SLC7A14: variants seen among roughly 807,000 people sequenced by gnomAD.
SLC7A14 encodes the protein gamma-aminobutyric acid transporter SLC7A14.
A neutral mutation model predicts 60.2 loss-of-function variants in SLC7A14; 37 were observed. That is an observed-to-expected ratio of 0.61 (90% confidence interval 0.47 to 0.81). SLC7A14 has a LOEUF of 0.81. Among genes scored for constraint, SLC7A14 ranks in the 30% least tolerant of loss-of-function variants. The pLI, the probability that SLC7A14 is intolerant of heterozygous loss-of-function variation, is 0.00. For synonymous variants in SLC7A14, 399 were observed against 395.8 expected, an observed-to-expected ratio of 1.01 and a Z score of -0.10; for missense variants, 886 against 982.7, an observed-to-expected ratio of 0.90 and a Z score of 1.32.
At chr3:170,489,835 G>T (rs1329622592) in intron 4 of SLC7A14, among the ~76,000 whole-genome samples, 1 of 152,058 alleles carries the variant, frequency 6.6e-6, no homozygotes, top group Admixed American at 6.6e-5. Flanking sequence ...AAATAAATCA[G>T]GCATGGAAAG....
Position 170,501,344 on chromosome 3 carries a change from G to T in SLC7A14, c.306C>A (p.Gly102=), listed in dbSNP as rs777951463. The change falls in exon 3 of 8, where the codon GGC becomes GGA. Residue 102 remains glycine (G), a splice_region_variant and synonymous_variant. Coordinates refer to ENST00000231706, the MANE Select transcript of SLC7A14 (RefSeq NM_020949.3). ...GAACTCCAAACTCTGCATAGCAGAC[G>T]CCTGCAAGGGACAGACATACACAGA... is the stretch of plus-strand genomic sequence containing the variant. ...IIAAVASILS[G]VCYAEFGVRV... 3 of 1,613,098 alleles carry T rather than the reference G, an allele frequency of 1.9e-6. No individual in the cohort carries two copies. The highest frequency in any genetic ancestry group is 2.5e-6 in the Non-Finnish European group (3 of 1,179,078).
chr3:170,544,546 A>T (rs962670700), intron 1 of SLC7A14, among the ~76,000 whole-genome samples: 3 of 152,206 alleles, frequency 2.0e-5, no homozygotes, highest in African/African-American at 7.2e-5. Context: ...TTGATTTATG[A>T]TAAGGTACCT....
At chr3:170,493,144 G>A (rs1031488300) in intron 4 of SLC7A14, among the ~76,000 whole-genome samples, 71 of 152,202 alleles carry the variant, frequency 4.7e-4, no homozygotes, top group African/African-American at 1.4e-3. Flanking sequence ...AAGGGAACAC[G>A]CGTCCAGCAA....
At chr3:170,510,395 A>AT (rs1712935985) in intron 2 of SLC7A14, among the ~76,000 whole-genome samples, 2 of 143,222 alleles carry the variant, frequency 1.4e-5, no homozygotes, top group East Asian at 2.0e-4. Context: ...GTCAAAAAAA[A>AT]AAAAATAAAT....
At chr3:170,483,698 T>C (rs1711922801) in intron 5 of SLC7A14, among the ~76,000 whole-genome samples, 176 bp from the exon 6 acceptor site, 1 of 152,262 alleles carries the variant, frequency 6.6e-6, no homozygotes, top group Admixed American at 6.5e-5. Flanking sequence ...CCTCTAGGCC[T>C]TGCTCAATAT....
chr3:170,488,533 A>G (rs750903653), intron 4 of SLC7A14, among the ~76,000 whole-genome samples: 19 of 152,242 alleles, frequency 1.2e-4, no homozygotes, highest in Admixed American at 2.6e-4. Flanking sequence ...CCTGATCAAG[A>G]AAAGTCTCAC....
chr3:170,499,236 CAAAAAAAAA>C (rs11336080), intron 3 of SLC7A14, among the ~76,000 whole-genome samples: 10 of 59,912 alleles, frequency 1.7e-4, no homozygotes, highest in African/African-American at 3.1e-4. Context: ...GACTCTGTCT[CAAAAAAAAA>C]AAAAAAAAAA....
intron 2 of SLC7A14, among the ~76,000 whole-genome samples, chr3:170,512,654 ATTTTTTTTT>A (rs71176570): frequency 2.1e-4 from 13 of 63,168 alleles, no homozygotes; most frequent in South Asian, 1.9e-3. Flanking sequence ...TACAATTTGC[ATTTTTTTTT>A]TTTTTTTTTT....
intron 1 of SLC7A14, chr3:170,570,485 T>TAAAATAAAATAAAATAAAAA: frequency 6.6e-6 from 1 of 151,706 alleles, no homozygotes; most frequent in African/African-American, 2.4e-5. Context: ...TAAAATAAAA[T>TAAAATAAAATAAAATAAAAA]AAAAAGAGGG....
At chr3:170,495,312 T>A (rs567423352) in intron 4 of SLC7A14, among the ~76,000 whole-genome samples, 13 of 152,366 alleles carry the variant, frequency 8.5e-5, no homozygotes, top group Admixed American at 7.2e-4. Context: ...TTTCTTATAC[T>A]GTTAAGAAAA....
chr3:170,538,019 G>A (rs2108298692), intron 1 of SLC7A14, among the ~76,000 whole-genome samples: 1 of 152,248 alleles, frequency 6.6e-6, no homozygotes, highest in Non-Finnish European at 1.5e-5. Context: ...TAGAGATTTG[G>A]CCTCAATAGG....
At chr3:170,537,282 C>T (rs1713876562) in intron 1 of SLC7A14, among the ~76,000 whole-genome samples, 1 of 152,188 alleles carries the variant, frequency 6.6e-6, no homozygotes. Context: ...TTCTTTCCTT[C>T]TTCAAAACCA....
At chr3:170,508,197 T>G (rs1005690048) in intron 2 of SLC7A14, among the ~76,000 whole-genome samples, 2 of 152,186 alleles carry the variant, frequency 1.3e-5, no homozygotes, top group Non-Finnish European at 2.9e-5. Context: ...GTGGGCCTTA[T>G]AGTATCATGG....
rs148797560 is a variant in SLC7A14 at position 170,483,719 on chromosome 3, C to T, written c.907-197G>A. ...GGCCTTGCTCAATATTATTTCCCCACATGTGAATTTAGTGGACTGGGCCAG... is the reference window on the plus strand; with the variant it reads ...GGCCTTGCTCAATATTATTTCCCCATATGTGAATTTAGTGGACTGGGCCAG... On this transcript the variant is annotated intron_variant, in intron 5 of 7. Coordinates refer to ENST00000231706, the MANE Select transcript of SLC7A14 (RefSeq NM_020949.3). 3.4e-3 allele frequency among the ~76,000 whole-genome samples: 521 copies of T among 152,370 alleles called. 3 individuals are homozygous for T. Among genetic ancestry groups the T allele is most frequent in the South Asian group, 0.031 (148 of 4,830 alleles).
At chr3:170,547,097 G>A (rs1714203125) in intron 1 of SLC7A14, among the ~76,000 whole-genome samples, 1 of 152,034 alleles carries the variant, frequency 6.6e-6, no homozygotes, top group Admixed American at 6.5e-5. Context: ...GGAGATGTAA[G>A]ATTGTCAAGA....
At chr3:170,490,465 A>C (rs1298685654) in intron 4 of SLC7A14, among the ~76,000 whole-genome samples, 1 of 152,230 alleles carries the variant, frequency 6.6e-6, no homozygotes, top group Non-Finnish European at 1.5e-5. Flanking sequence ...CAACCATATA[A>C]ATTTGGGCAA....
In SLC7A14 at chr3:170,465,266, T is replaced by A. The variant is rs1370379880; in HGVS notation, c.*1789A>T. The A allele has an allele frequency of 6.6e-6, 1 of 152,252 alleles. No homozygotes were observed. The allele number at this position is 152,252 out of a possible 1,614,324, so 9.4% of individuals were successfully genotyped here. Reference sequence around the variant, plus strand: ...ATATTTTTTAAAAACTAGTTTCAATTCATCTTTATATGTATGTTAAAACCC... The same window carrying A: ...ATATTTTTTAAAAACTAGTTTCAATACATCTTTATATGTATGTTAAAACCC... On this transcript the variant is annotated 3_prime_UTR_variant, in exon 8 of 8. Transcript: ENST00000231706.
intron 1 of SLC7A14, among the ~76,000 whole-genome samples, chr3:170,582,957 C>G (rs1268200912): frequency 6.6e-6 from 1 of 152,130 alleles, no homozygotes; most frequent in Admixed American, 6.6e-5. Context: ...GTGGAGCCAC[C>G]TACTTGACAG....
chr3:170,567,229 A>G (rs1288561892), intron 1 of SLC7A14, among the ~76,000 whole-genome samples: 7 of 144,850 alleles, frequency 4.8e-5, no homozygotes, highest in East Asian at 2.1e-4. Flanking sequence ...TCACTGTTCA[A>G]TTCCCACCTA....
Sources: gnomAD v4.1 joint callset for allele counts (sites outside exome capture counted in the v4.1 genomes callset) on GRCh38, gnomAD v4.1.1 for gene constraint, MANE v1.5 for transcripts, NCBI Gene and HGNC (gene_info 2026-07-23, HGNC 2026-07-21) for gene names.